The following ZNF233 variants were observed in gnomAD, a reference collection of about 807,000 sequenced individuals.
ZNF233 encodes the protein zinc finger protein 233.
In ZNF233, 7 loss-of-function variants were observed where a neutral mutation model predicts 11.6. The ratio of observed to expected loss-of-function variants is 0.60; its 90% CI spans 0.34 to 1.13. ZNF233 has a LOEUF of 1.13. ZNF233 is among the 50% of genes most tolerant of loss of function. The probability of loss-of-function intolerance (pLI) is 0.03; values close to 1 mark genes in which losing one functional copy is unlikely to be tolerated. For missense variants in ZNF233, 711 were observed against 785.5 expected (o/e 0.91, Z 1.13); for synonymous variants, 226 against 268.5 (o/e 0.84, Z 1.55).
intron 1 of ZNF233, 89 bp from the exon 2 acceptor site, chr19:44,264,225 C>G (rs1568632716): frequency 1.2e-6 from 1 of 842,288 alleles, no homozygotes; most frequent in Non-Finnish European, 2.0e-6. Context: ...CAGGCATGAG[C>G]CACCATGCCC....
intron 4 of ZNF233, among the ~76,000 whole-genome samples, chr19:44,270,257 C>A (rs1222595372): frequency 6.6e-6 from 1 of 151,522 alleles, no homozygotes; most frequent in Non-Finnish European, 1.5e-5. Flanking sequence ...GCCTGTAATC[C>A]CAGCACTTTG....
chr19:44,273,526 T>C lies in ZNF233; in HGVS notation c.866T>C (p.Val289Ala), dbSNP rs766822786. ...TTAAGAGACAAGCCTCATGTAAATG[T>C]TGAGTACGGGAAGGGCATAGGTTAC... ...LHLRDKPHVN[V>A]EYGKGIGYSS... Residue 289 changes from valine to alanine, a missense_variant, in exon 5 of 5, where the codon GTT becomes GCT. Physicochemically the swap from Val to Ala is moderately conservative, Grantham distance 64 (BLOSUM62 0). Coordinates refer to ENST00000683810, the MANE Select transcript of ZNF233 (RefSeq NM_001207005.2). The C allele has an allele frequency of 1.2e-6, 2 of 1,614,164 alleles. No homozygotes were observed. The highest frequency in any genetic ancestry group is 1.3e-5 in the African/African-American group (1 of 75,032).
At chr19:44,271,396 AT>A (rs1975232017) in intron 4 of ZNF233, among the ~76,000 whole-genome samples, 1 of 152,112 alleles carries the variant, frequency 6.6e-6, no homozygotes, top group African/African-American at 2.4e-5. Context: ...TTTTGTAACC[AT>A]TTTTGGGCTT....
chr19:44,274,219 TC>T lies in ZNF233; in HGVS notation c.1560del (p.Ser521LeufsTer185). The T allele has an allele frequency of 6.2e-7, 1 of 1,600,286 alleles. No individual in the cohort carries two copies. Among genetic ancestry groups the T allele is most frequent in the Non-Finnish European group, 8.5e-7 (1 of 1,172,114 alleles). ...CDTCGKDFSQ[I>X]SHLQAHQRVH... Reference sequence around the variant, plus strand: ...ACATGTGGGAAGGACTTCAGTCAGATCTCTCATCTTCAGGCCCATCAGAGAG... The same window carrying T: ...ACATGTGGGAAGGACTTCAGTCAGATTCTCATCTTCAGGCCCATCAGAGAG... On this transcript the variant is annotated frameshift_variant, in exon 5 of 5. Coordinates refer to ENST00000683810, the MANE Select transcript of ZNF233 (RefSeq NM_001207005.2). LOFTEE classifies it low-confidence loss of function (END_TRUNC).
intron 1 of ZNF233, among the ~76,000 whole-genome samples, chr19:44,263,219 T>C (rs1424302130): frequency 6.6e-6 from 1 of 152,248 alleles, no homozygotes; most frequent in Non-Finnish European, 1.5e-5. Flanking sequence ...CGGTGGTATT[T>C]AGTGTATCCA....
intron 1 of ZNF233, among the ~76,000 whole-genome samples, chr19:44,263,773 A>G (rs1234074116): frequency 6.6e-6 from 1 of 152,156 alleles, no homozygotes; most frequent in African/African-American, 2.4e-5. Context: ...GTTATAAAAG[A>G]CTCTCTTATT....
In ZNF233 at chr19:44,273,684, T is replaced by A. The variant is rs1460505934; in HGVS notation, c.1024T>A (p.Tyr342Asn). The A allele has an allele frequency of 6.2e-7, 1 of 1,614,114 alleles. No homozygotes were observed. The change falls in exon 5 of 5, where the codon TAC (tyrosine) becomes AAC (asparagine). Residue 342 changes from tyrosine (Y) to asparagine (N), a missense_variant. Coordinates refer to ENST00000683810, the MANE Select transcript of ZNF233 (RefSeq NM_001207005.2). ...HQRVSTGENL[Y>N]RCQVYARSSN... The stretch of plus-strand genomic sequence containing the variant: ...GAGAGTCAGCACAGGAGAGAACCTC[T>A]ACAGATGTCAGGTATATGCCCGGAG...
chr19:44,262,419 C>A (rs1442587606), intron 1 of ZNF233, among the ~76,000 whole-genome samples: 2 of 152,162 alleles, frequency 1.3e-5, no homozygotes, highest in African/African-American at 4.8e-5. Context: ...AAAAGTGGCC[C>A]TGGTACATGT....
At chr19:44,272,829 T>C (rs991843317) in intron 4 of ZNF233, 70 bp from the exon 5 acceptor site, 1 of 1,135,446 alleles carries the variant, frequency 8.8e-7, no homozygotes, top group Non-Finnish European at 1.2e-6. Flanking sequence ...ACCTGTGAAA[T>C]GTTTTTTTAT....
At chr19:44,264,743 A>C (rs1283562466) in intron 2 of ZNF233, among the ~76,000 whole-genome samples, 5 of 151,576 alleles carry the variant, frequency 3.3e-5, no homozygotes, top group Non-Finnish European at 7.4e-5. Flanking sequence ...AACTACAATC[A>C]CATTCTATAT....
intron 4 of ZNF233, among the ~76,000 whole-genome samples, chr19:44,272,523 A>G (rs1975263636): frequency 6.6e-6 from 1 of 151,810 alleles, no homozygotes; most frequent in South Asian, 2.1e-4. Flanking sequence ...TCACGAGGTC[A>G]GGAGATCGAG....
At chr19:44,271,740 G>A (rs1259854003) in intron 4 of ZNF233, among the ~76,000 whole-genome samples, 7 of 151,814 alleles carry the variant, frequency 4.6e-5, no homozygotes, top group African/African-American at 1.7e-4. Flanking sequence ...TCGATCTCCT[G>A]ACCTCGTGAT....
intron 2 of ZNF233, among the ~76,000 whole-genome samples, chr19:44,265,226 T>C (rs1165597352): frequency 2.0e-5 from 3 of 152,088 alleles, no homozygotes; most frequent in Non-Finnish European, 4.4e-5. Flanking sequence ...CTCCTACTTA[T>C]GAGAGAGAAC....
At chr19:44,269,327 C>T (rs752107348) in intron 4 of ZNF233, among the ~76,000 whole-genome samples, 23 of 150,716 alleles carry the variant, frequency 1.5e-4, no homozygotes, top group Non-Finnish European at 2.9e-4. Flanking sequence ...GATGGAGTCT[C>T]GCTCTGTTGC....
intron 1 of ZNF233, among the ~76,000 whole-genome samples, chr19:44,261,538 C>G (rs181223648): frequency 1.4e-3 from 208 of 151,874 alleles, no homozygotes; most frequent in African/African-American, 4.7e-3. Flanking sequence ...GGGAAGAACT[C>G]TGAGGAGATG....
chr19:44,264,421 C>T, intron 2 of ZNF233, 46 bp downstream of exon 2: 1 of 1,577,764 alleles, frequency 6.3e-7, no homozygotes, highest in Non-Finnish European at 8.6e-7. Flanking sequence ...CATCTCTTTT[C>T]CTCAAAGATT....
rs536801704 is a variant in ZNF233 at position 44,271,572 on chromosome 19, C to T, written c.239-1327C>T. On this transcript the variant is annotated intron_variant, in intron 4 of 4. Transcript: ENST00000683810. ...TAGCCCAGGCTTGAGTGCAGTGGCACGATCTCCGCTCACTGCAAGCTCTGC... is the reference window on the plus strand; with the variant it reads ...TAGCCCAGGCTTGAGTGCAGTGGCATGATCTCCGCTCACTGCAAGCTCTGC... Among the ~76,000 whole-genome samples, 55 of 151,716 alleles carry T rather than the reference C, an allele frequency of 3.6e-4. No individual in the cohort carries two copies. In the South Asian group the frequency reaches 9.4e-3, roughly 26 times the overall value.
At position 44,274,345 on chromosome 19, in the gene ZNF233, A is replaced by C. The variant is rs1443554950; in HGVS notation, c.1685A>C (p.Asn562Thr). Residue 562 changes from asparagine to threonine, a missense_variant, in exon 5 of 5, where the codon AAT becomes ACT. Asn to Thr is a moderately conservative substitution (Grantham distance 65). Transcript: ENST00000683810. ...QDHQQVHTGE[N>T]PYKCDVCGKG... ...CATCAGCAAGTCCATACTGGAGAGA[A>C]TCCCTACAAATGTGATGTGTGTGGG... 1 of 1,613,888 alleles carries C rather than the reference A, an allele frequency of 6.2e-7. No homozygotes were observed. Among genetic ancestry groups the C allele is most frequent in the Non-Finnish European group, 8.5e-7 (1 of 1,179,910 alleles).
At position 44,273,593 on chromosome 19, in the gene ZNF233, G is replaced by T; in HGVS notation, c.933G>T (p.Glu311Asp). The change falls in exon 5 of 5, where the codon GAG becomes GAT. Residue 311 changes from glutamate (E) to aspartate (D), a missense_variant. Transcript: ENST00000683810. ...GGCATCAGTGTTTCCACATAGGAGA[G>T]AAATGCTATAGGAATGGTGACAGTG... ...LPRHQCFHIG[E>D]KCYRNGDSGE... 1 of 1,614,198 alleles carries T rather than the reference G, an allele frequency of 6.2e-7. No individual in the cohort carries two copies. The highest frequency in any genetic ancestry group is 8.5e-7 in the Non-Finnish European group (1 of 1,180,028).
Sources: gnomAD v4.1 joint callset for allele counts (sites outside exome capture counted in the v4.1 genomes callset) on GRCh38, gnomAD v4.1.1 for gene constraint, MANE v1.5 for transcripts, NCBI Gene and HGNC (gene_info 2026-07-23, HGNC 2026-07-21) for gene names.